The following TMC2 variants were observed in gnomAD, a reference collection of about 807,000 sequenced individuals.
The protein encoded by TMC2 is transmembrane channel-like protein 2.
In TMC2, 102 loss-of-function variants were observed where a neutral mutation model predicts 105.9. The observed-to-expected ratio is 0.96, with a 90% CI of 0.82 to 1.14. The LOEUF (loss-of-function observed/expected upper bound fraction) is 1.14. Ranked by LOEUF, TMC2 falls within the 50% of genes most tolerant of loss-of-function variation. TMC2 has a pLI of 0.00. For missense variants in TMC2, 1,093 were observed against 1,134.3 expected (o/e 0.96, Z 0.52); for synonymous variants, 402 against 422.8 (o/e 0.95, Z 0.60).
intron 16 of TMC2, among the ~76,000 whole-genome samples, chr20:2,623,046 G>A (rs1238589948): frequency 6.6e-6 from 1 of 152,002 alleles, no homozygotes; most frequent in Non-Finnish European, 1.5e-5. Context: ...AGAACTTACT[G>A]TAATGATGAA....
rs757346854 is a variant in TMC2, at chr20:2,641,504, T to C, written c.*153T>C. The C allele has an allele frequency of 6.2e-4, 373 of 604,642 alleles. No homozygotes were observed. Among genetic ancestry groups the C allele is most frequent in the Non-Finnish European group, 7.4e-4 (252 of 341,620 alleles). The allele number at this position is 604,642 out of a possible 1,614,324, so 37.5% of individuals were successfully genotyped here. On this transcript the variant is annotated 3_prime_UTR_variant, in exon 20 of 20. Coordinates refer to ENST00000358864, the MANE Select transcript of TMC2 (RefSeq NM_080751.3). ...CATGAACTTTGATTCCTTCAGGCCC[T>C]TGTCAGCTACCGAAGGAGGAAGACA...
chr20:2,546,759 G>C (rs955646153), intron 2 of TMC2, among the ~76,000 whole-genome samples: 1 of 152,096 alleles, frequency 6.6e-6, no homozygotes, highest in African/African-American at 2.4e-5. Flanking sequence ...GAAGCTTTGG[G>C]GGCAAAACAA....
chr20:2,548,882 A>G (rs1040017452), intron 2 of TMC2, among the ~76,000 whole-genome samples: 3 of 152,214 alleles, frequency 2.0e-5, no homozygotes, highest in African/African-American at 7.2e-5. Flanking sequence ...AATATATTTG[A>G]TCAAGGAACC....
chr20:2,599,233 A>G (rs1012488545), intron 10 of TMC2, among the ~76,000 whole-genome samples: 3 of 149,760 alleles, frequency 2.0e-5, no homozygotes, highest in Non-Finnish European at 4.4e-5. Context: ...GCACCACGGC[A>G]TTCCAGCCTG....
intron 17 of TMC2, among the ~76,000 whole-genome samples, chr20:2,629,057 G>A (rs6138607): frequency 0.42 from 61,793 of 148,134 alleles, 14,933 homozygotes; most frequent in East Asian, 0.54. Flanking sequence ...AGCCGAGATC[G>A]CGCCACTGTA....
chr20:2,597,881 A>G (rs2086320321), intron 10 of TMC2, among the ~76,000 whole-genome samples: 1 of 152,150 alleles, frequency 6.6e-6, no homozygotes, highest in South Asian at 2.1e-4. Context: ...TTCTGCTGGA[A>G]TAAGTGGAAG....
intron 18 of TMC2, 89 bp from the exon 19 acceptor site, chr20:2,637,385 C>T: frequency 1.7e-6 from 1 of 593,200 alleles, no homozygotes; most frequent in Non-Finnish European, 2.7e-6. Flanking sequence ...GAGACTCTGT[C>T]TCAAAAAAAA....
Position 2,558,171 on chromosome 20 carries a change from C to A in TMC2, c.83-285C>A. 1 of 532,436 alleles carries A rather than the reference C, an allele frequency of 1.9e-6. No individual in the cohort carries two copies. The highest frequency in any genetic ancestry group is 4.1e-5 in the East Asian group (1 of 24,236). The allele number at this position is 532,436 out of a possible 1,614,324, so 33.0% of individuals were successfully genotyped here. A position where few individuals can be genotyped will look rare whatever the true frequency, so the allele number is the denominator to read the frequency against. ...CTCTTGGCCTCTCTGTGTGACTTTC[C>A]TTTCCTTGGGTATAGGGCAGGACAC... On this transcript the variant is annotated intron_variant, in intron 2 of 19. Transcript: ENST00000358864. This position sits in a 1 kb window ranked among gnomAD's most constrained non-coding sequence, Gnocchi z 4.6.
intron 7 of TMC2, among the ~76,000 whole-genome samples, chr20:2,585,116 T>C (rs1449175382): frequency 1.3e-5 from 2 of 152,214 alleles, no homozygotes; most frequent in Non-Finnish European, 2.9e-5. Context: ...TGGTACAATG[T>C]CTTTGAAATT....
chr20:2,628,618 T>TAA (rs746236509), intron 17 of TMC2, among the ~76,000 whole-genome samples: 1 of 152,146 alleles, frequency 6.6e-6, no homozygotes, highest in Non-Finnish European at 1.5e-5. Context: ...GATGGTTTTA[T>TAA]AAGGGGCTCT....
Position 2,642,286 on chromosome 20 carries a change from G to A in TMC2, c.*935G>A, listed in dbSNP as rs1042332587. 2.6e-5 allele frequency among the ~76,000 whole-genome samples: 4 copies of A among 152,152 alleles called. No individual in the cohort carries two copies. The highest frequency in any genetic ancestry group is 9.7e-5 in the African/African-American group (4 of 41,406). The stretch of plus-strand genomic sequence containing the variant: ...GGACCAAAGACCAGTCATGGAGAGT[G>A]GGGATTGGTGGGAAGACTGGTGATA... On this transcript the variant is annotated 3_prime_UTR_variant, in exon 20 of 20. Transcript: ENST00000358864.
intron 11 of TMC2, among the ~76,000 whole-genome samples, chr20:2,604,036 A>G (rs768640089): frequency 1.3e-5 from 2 of 152,178 alleles, no homozygotes; most frequent in Non-Finnish European, 2.9e-5. Flanking sequence ...ACAAACCACA[A>G]CGATGGCTCC....
At chr20:2,598,028 A>G (rs2086321433) in intron 10 of TMC2, among the ~76,000 whole-genome samples, 2 of 152,144 alleles carry the variant, frequency 1.3e-5, no homozygotes, top group Admixed American at 6.5e-5. Context: ...TTGGTTTTTC[A>G]AAAGCTCCCC....
intron 16 of TMC2, 128 bp downstream of exon 16, chr20:2,617,439 C>G (rs1177711255): frequency 8.1e-7 from 1 of 1,241,312 alleles, no homozygotes; most frequent in Non-Finnish European, 1.1e-6. Context: ...GGGTGAATCA[C>G]CGATGCCATT....
Position 2,561,968 on chromosome 20 carries a change from G to C in TMC2, c.512G>C (p.Arg171Pro). Reference sequence around the variant, plus strand: ...AAAAAGAAGCTCATTGCCACCATGCGGAGCAAGCCCTGGCCCATGGCGAAG... The same window carrying C: ...AAAAAGAAGCTCATTGCCACCATGCCGAGCAAGCCCTGGCCCATGGCGAAG... The part of the protein sequence containing the change: ...EEKKKLIATM[R>P]SKPWPMAKKL... Residue 171 changes from arginine to proline, a missense_variant, in exon 4 of 20, where the codon CGG (arginine) becomes CCG (proline). Coordinates refer to ENST00000358864, the MANE Select transcript of TMC2 (RefSeq NM_080751.3). 6.2e-7 allele frequency: 1 copy of C among 1,614,202 alleles called. No homozygotes were observed. The highest frequency in any genetic ancestry group is 8.5e-7 in the Non-Finnish European group (1 of 1,180,014).
At chr20:2,638,294 T>C (rs1452226165) in intron 19 of TMC2, among the ~76,000 whole-genome samples, 2 of 149,398 alleles carry the variant, frequency 1.3e-5, no homozygotes, top group Non-Finnish European at 2.9e-5. Context: ...TGAGCCGAGC[T>C]TGCAATGAGC....
At chr20:2,549,015 A>G (rs2085941255) in intron 2 of TMC2, among the ~76,000 whole-genome samples, 1 of 152,162 alleles carries the variant, frequency 6.6e-6, no homozygotes. Flanking sequence ...AAATTAGTTC[A>G]TTTGCCAAAT....
At chr20:2,575,901 T>C (rs2086141072) in intron 5 of TMC2, among the ~76,000 whole-genome samples, 1 of 152,236 alleles carries the variant, frequency 6.6e-6, no homozygotes. Flanking sequence ...TTCCTTGTAA[T>C]CCTTCCATAT....
At chr20:2,632,587 T>C (rs1300156848) in intron 17 of TMC2, among the ~76,000 whole-genome samples, 1 of 151,810 alleles carries the variant, frequency 6.6e-6, no homozygotes, top group Non-Finnish European at 1.5e-5. Context: ...TTTTGGGGTT[T>C]TTTGTTTTTG....
Sources: gnomAD v4.1 joint callset for allele counts (sites outside exome capture counted in the v4.1 genomes callset) on GRCh38, gnomAD v4.1.1 for gene constraint, Gnocchi (gnomAD v3.1) non-coding constraint, MANE v1.5 for transcripts, NCBI Gene and HGNC (gene_info 2026-07-23, HGNC 2026-07-21) for gene names.